Variants in TRPM3 observed in about 807,000 individuals in gnomAD.
TRPM3 encodes the protein long transient receptor potential channel 3.
TRPM3 carries 77 observed loss-of-function variants against 181.2 expected under a neutral mutation model. The observed-to-expected ratio is 0.42, with a 90% CI of 0.35 to 0.51. The LOEUF is 0.51. Among genes scored for constraint, TRPM3 ranks in the 20% least tolerant of loss-of-function variants. TRPM3 has a pLI of 0.01. For synonymous variants in TRPM3, 745 were observed against 796.4 expected (o/e 0.94, Z 1.09); for missense variants, 1,759 against 2,196.7 (o/e 0.80, Z 3.98).
Position 70,664,428 on chromosome 9 carries a change from G to A in TRPM3, c.1345+17078C>T, listed in dbSNP as rs191239061. Among the ~76,000 whole-genome samples, 60 of 152,246 alleles carry A rather than the reference G, an allele frequency of 3.9e-4. 1 individual carries two copies. In the Middle Eastern group the frequency reaches 0.014, roughly 35 times the overall value. ...CACTTCCCTAAGTGAGTTTAAGCTT[G>A]TAAAGGCTAAGATATAAACAAGAGG... On this transcript the variant is annotated intron_variant, in intron 9 of 25. Transcript: ENST00000677713.
chr9:71,147,557 G>C (rs1215031109), intron 1 of TRPM3, among the ~76,000 whole-genome samples: 1 of 152,010 alleles, frequency 6.6e-6, no homozygotes, highest in Non-Finnish European at 1.5e-5. Context: ...AGAGCCTCCT[G>C]AAGTCCTATA....
At chr9:71,260,322 C>G (rs868207277) in intron 1 of TRPM3, among the ~76,000 whole-genome samples, 3 of 152,146 alleles carry the variant, frequency 2.0e-5, no homozygotes, top group Non-Finnish European at 4.4e-5. Context: ...TGTGATGCCT[C>G]CAGCTTTGTT....
At chr9:71,265,249 T>C (rs148020796) in intron 1 of TRPM3, among the ~76,000 whole-genome samples, 1 of 152,338 alleles carries the variant, frequency 6.6e-6, no homozygotes, top group Non-Finnish European at 1.5e-5. Flanking sequence ...AAATTTTCTT[T>C]GAGCATAATA....
intron 7 of TRPM3, among the ~76,000 whole-genome samples, chr9:70,778,546 C>G (rs548262444): frequency 7.2e-5 from 11 of 152,128 alleles, no homozygotes; most frequent in Non-Finnish European, 1.6e-4. Context: ...CAAGGTTTCC[C>G]TTCTGAGAAA....
chr9:71,110,611 T>G (rs1034630531), intron 1 of TRPM3, among the ~76,000 whole-genome samples: 1 of 152,174 alleles, frequency 6.6e-6, no homozygotes, highest in Admixed American at 6.6e-5. Context: ...TGGCCTTTTA[T>G]ACAAACCTTG....
chr9:70,767,175 G>T (rs1240840440), intron 7 of TRPM3, among the ~76,000 whole-genome samples: 2 of 152,210 alleles, frequency 1.3e-5, no homozygotes, highest in Admixed American at 1.3e-4. Context: ...GAGTCCGGTG[G>T]TGTAAGGCTG....
chr9:70,980,301 A>G (rs2134013899), intron 1 of TRPM3, among the ~76,000 whole-genome samples: 1 of 152,232 alleles, frequency 6.6e-6, no homozygotes, highest in South Asian at 2.1e-4. Flanking sequence ...AAAAAGAAAG[A>G]TCTGAGTGAC....
At chr9:70,932,077 G>A (rs562910377) in intron 1 of TRPM3, among the ~76,000 whole-genome samples, 30 of 152,242 alleles carry the variant, frequency 2.0e-4, no homozygotes, top group African/African-American at 7.2e-4. Context: ...TCTACAATAT[G>A]GAGGGATTAT....
intron 1 of TRPM3, among the ~76,000 whole-genome samples, chr9:70,972,599 C>A (rs1188707457): frequency 6.6e-6 from 1 of 152,118 alleles, no homozygotes; most frequent in African/African-American, 2.4e-5. Flanking sequence ...AAATTATACA[C>A]CCTAGAAACT....
intron 5 of TRPM3, among the ~76,000 whole-genome samples, chr9:70,840,471 T>C (rs1057000067): frequency 1.3e-5 from 2 of 152,170 alleles, no homozygotes; most frequent in African/African-American, 4.8e-5. Flanking sequence ...GGATGATGGA[T>C]GCACACATTT....
At chr9:71,104,900 G>A (rs1191027359) in intron 1 of TRPM3, among the ~76,000 whole-genome samples, 1 of 152,132 alleles carries the variant, frequency 6.6e-6, no homozygotes, top group Admixed American at 6.5e-5. Context: ...AGTAGGAAAT[G>A]GTATGATCAT....
chr9:70,995,867 G>A (rs986974612), intron 1 of TRPM3, among the ~76,000 whole-genome samples: 3 of 152,068 alleles, frequency 2.0e-5, no homozygotes, highest in Non-Finnish European at 4.4e-5. Flanking sequence ...CTCAACTTTG[G>A]TCCCTAATTG....
chr9:70,932,987 A>C (rs1456786701), intron 1 of TRPM3, among the ~76,000 whole-genome samples: 1 of 152,152 alleles, frequency 6.6e-6, no homozygotes, highest in African/African-American at 2.4e-5. Context: ...AGGTAATTTC[A>C]GTAAGATTTG....
chr9:70,994,909 C>T (rs1237023271), intron 1 of TRPM3, among the ~76,000 whole-genome samples: 2 of 152,320 alleles, frequency 1.3e-5, no homozygotes, highest in South Asian at 2.1e-4. Flanking sequence ...GGATGGTCAC[C>T]TCTAAAACTC....
intron 1 of TRPM3, among the ~76,000 whole-genome samples, chr9:71,036,934 TACA>T (rs2058277699): frequency 1.3e-5 from 2 of 152,196 alleles, no homozygotes; most frequent in Admixed American, 1.3e-4. Context: ...GACAACCCAC[TACA>T]ACATGATTGT....
At chr9:71,168,833 A>C (rs1490062032) in intron 1 of TRPM3, among the ~76,000 whole-genome samples, 1 of 152,006 alleles carries the variant, frequency 6.6e-6, no homozygotes, top group African/African-American at 2.4e-5. Context: ...GTAAAGATCC[A>C]GAGATACTTT....
chr9:70,627,104 T>TTA (rs2064783627), intron 12 of TRPM3, among the ~76,000 whole-genome samples: 1 of 28,780 alleles, frequency 3.5e-5, no homozygotes, highest in Non-Finnish European at 9.2e-5. Flanking sequence ...GCCACAATCT[T>TTA]GTTAGTCATC....
chr9:71,013,444 G>A (rs1349843471), intron 1 of TRPM3, among the ~76,000 whole-genome samples: 1 of 151,760 alleles, frequency 6.6e-6, no homozygotes, highest in Non-Finnish European at 1.5e-5. Flanking sequence ...TATTTCGTGA[G>A]AATACTTTGG....
chr9:70,841,032 A>G (rs983983084), intron 5 of TRPM3, among the ~76,000 whole-genome samples: 1 of 152,196 alleles, frequency 6.6e-6, no homozygotes, highest in African/African-American at 2.4e-5. Flanking sequence ...GAATTAATTT[A>G]TGTATTAATA....
Sources: allele counts gnomAD v4.1 joint callset (sites outside exome capture counted in the v4.1 genomes callset), GRCh38; gene constraint gnomAD v4.1.1; transcripts MANE v1.5; gene names NCBI Gene and HGNC (gene_info 2026-07-23, HGNC 2026-07-21).